GRK5: variants seen among roughly 807,000 people sequenced by gnomAD.
The protein encoded by GRK5 is G protein-coupled receptor kinase 5, also known as g protein-coupled receptor kinase GRK5.
A neutral mutation model predicts 78.4 loss-of-function variants in GRK5; 40 were observed. The ratio of observed to expected loss-of-function variants is 0.51; its 90% confidence interval spans 0.40 to 0.66. The LOEUF (loss-of-function observed/expected upper bound fraction) is 0.66. GRK5 is among the 30% of genes least tolerant of loss of function. The pLI, the probability that GRK5 is intolerant of heterozygous loss-of-function variation, is 0.00. For missense variants in GRK5, 598 were observed against 759.9 expected, an observed-to-expected ratio of 0.79 and a Z score of 2.50; for synonymous variants, 289 against 296.8, an observed-to-expected ratio of 0.97 and a Z score of 0.27.
intron 13 of GRK5, among the ~76,000 whole-genome samples, chr10:119,450,589 G>T (rs955686114): frequency 1.1e-4 from 16 of 152,180 alleles, no homozygotes; most frequent in African/African-American, 3.9e-4. Flanking sequence ...GGCTCTGAGG[G>T]TCAGAGCGAC....
chr10:119,278,059 C>T (rs568622216), intron 1 of GRK5, among the ~76,000 whole-genome samples: 8 of 152,330 alleles, frequency 5.3e-5, no homozygotes, highest in African/African-American at 1.7e-4. Context: ...TGAGTAAATA[C>T]TTAGGAACAT....
At chr10:119,273,609 G>A (rs1285396953) in intron 1 of GRK5, among the ~76,000 whole-genome samples, 1 of 152,110 alleles carries the variant, frequency 6.6e-6, no homozygotes, top group African/African-American at 2.4e-5. Context: ...TGACCCACAG[G>A]GGAACTCATC....
intron 12 of GRK5, among the ~76,000 whole-genome samples, chr10:119,447,880 G>A (rs1048479029): frequency 5.3e-5 from 8 of 152,224 alleles, no homozygotes; most frequent in Admixed American, 1.3e-4. Context: ...ACCCAGGAAC[G>A]AGGTCTGTAA....
chr10:119,281,630 G>A (rs1849764790), intron 1 of GRK5, among the ~76,000 whole-genome samples: 1 of 152,176 alleles, frequency 6.6e-6, no homozygotes, highest in Non-Finnish European at 1.5e-5. Flanking sequence ...GTCTTAGCAC[G>A]GCTGAGCCTT....
At chr10:119,212,067 C>A (rs751592625) in intron 1 of GRK5, among the ~76,000 whole-genome samples, 4 of 152,188 alleles carry the variant, frequency 2.6e-5, no homozygotes, top group African/African-American at 7.2e-5. Context: ...TCTTACCAAG[C>A]GACAGCTTTC....
At position 119,456,055 on chromosome 10, in the gene GRK5, G is replaced by A. The variant is rs1168952968; in HGVS notation, c.*988G>A. On this transcript the variant is annotated 3_prime_UTR_variant, in exon 16 of 16. Transcript: ENST00000392870. This position sits in a 1 kb window ranked among gnomAD's most constrained non-coding sequence, Gnocchi z 5.5. ...GAAACCCCAAGTGTCCCAAAGCCTCGGGGCCCACAGGAGCATCGGGAAGTG... is the reference window on the plus strand; with the variant it reads ...GAAACCCCAAGTGTCCCAAAGCCTCAGGGCCCACAGGAGCATCGGGAAGTG... 2.0e-5 allele frequency: 3 copies of A among 152,272 alleles called. No homozygotes were observed. The highest frequency in any genetic ancestry group is 2.9e-5 in the Non-Finnish European group (2 of 68,086). The allele number at this position is 152,272 out of a possible 1,614,324, so 9.4% of individuals were successfully genotyped here. A position where few individuals can be genotyped will look rare whatever the true frequency, so the allele number is the denominator to read the frequency against.
chr10:119,244,862 A>T (rs1849079721), intron 1 of GRK5, among the ~76,000 whole-genome samples: 1 of 152,240 alleles, frequency 6.6e-6, no homozygotes, highest in African/African-American at 2.4e-5. Flanking sequence ...ACAGTTGTGC[A>T]CTGTTGGTGG....
chr10:119,437,272 C>T (rs1050111921), intron 9 of GRK5, among the ~76,000 whole-genome samples: 7 of 152,086 alleles, frequency 4.6e-5, no homozygotes, highest in African/African-American at 1.7e-4. Flanking sequence ...CGGAGTGGCC[C>T]ATGGTCCCAC....
At chr10:119,403,184 T>G (rs74980631) in intron 4 of GRK5, among the ~76,000 whole-genome samples, 1 of 152,204 alleles carries the variant, frequency 6.6e-6, no homozygotes, top group Admixed American at 6.5e-5. Flanking sequence ...CTTTTTTTTT[T>G]GAGACGGAGT....
In GRK5 at chr10:119,227,838, G is replaced by A. The variant is rs533473044; in HGVS notation, c.52+19869G>A. Among the ~76,000 whole-genome samples, 8 of 152,234 alleles carry A rather than the reference G, an allele frequency of 5.3e-5. No homozygotes were observed. The East Asian group carries it at 5.8e-4, about 11-fold the overall frequency. On this transcript the variant is annotated intron_variant, in intron 1 of 15. Coordinates refer to ENST00000392870, the MANE Select transcript of GRK5 (RefSeq NM_005308.3). ...GTGAATAGGTTCTTTCAAACATTAC[G>A]ATCTTGTTGCTGACTAGAGTGTAAA... is the stretch of plus-strand genomic sequence containing the variant.
intron 2 of GRK5, among the ~76,000 whole-genome samples, chr10:119,364,744 G>A (rs1003011945): frequency 2.0e-5 from 3 of 152,326 alleles, no homozygotes; most frequent in Admixed American, 6.5e-5. Flanking sequence ...CTCTGTGACT[G>A]TATTTTCTGA....
At chr10:119,255,038 C>CAAA (rs11427427) in intron 1 of GRK5, among the ~76,000 whole-genome samples, 5 of 113,668 alleles carry the variant, frequency 4.4e-5, no homozygotes, top group Admixed American at 9.1e-5. Context: ...GACTCAGTCT[C>CAAA]AAAAAAAAAA....
chr10:119,289,012 T>C (rs1002293122), intron 1 of GRK5, among the ~76,000 whole-genome samples: 2 of 152,168 alleles, frequency 1.3e-5, no homozygotes, highest in African/African-American at 2.4e-5. Flanking sequence ...AAACATGCCT[T>C]TTCCCCCTCT....
chr10:119,391,524 C>T (rs1387339103), intron 3 of GRK5, among the ~76,000 whole-genome samples: 3 of 152,206 alleles, frequency 2.0e-5, no homozygotes, highest in Non-Finnish European at 1.5e-5. Flanking sequence ...ACCCCTGAGC[C>T]TCCACCACCC....
At chr10:119,367,930 C>T (rs370398112) in intron 2 of GRK5, among the ~76,000 whole-genome samples, 6 of 152,372 alleles carry the variant, frequency 3.9e-5, no homozygotes, top group East Asian at 1.9e-4. Context: ...CGCTAGACCC[C>T]GGCCAGTGGC....
chr10:119,333,537 C>T, intron 2 of GRK5: 1 of 326,662 alleles, frequency 3.1e-6, no homozygotes, highest in South Asian at 2.4e-5. Flanking sequence ...GAGTGACCCG[C>T]CCAGGAGAGC....
At chr10:119,425,719 G>C (rs1360129834) in intron 6 of GRK5, among the ~76,000 whole-genome samples, 2 of 152,234 alleles carry the variant, frequency 1.3e-5, no homozygotes, top group Non-Finnish European at 2.9e-5. Context: ...GCGCTTCCTT[G>C]TTGCTTATTT....
At chr10:119,423,806 CACACACACACAT>C (rs1037710940) in intron 5 of GRK5, among the ~76,000 whole-genome samples, 1 of 152,178 alleles carries the variant, frequency 6.6e-6, no homozygotes, top group Admixed American at 6.5e-5. Flanking sequence ...CGCAAGCACA[CACACACACACAT>C]ACACACACAC....
chr10:119,321,245 C>A (rs1043327256), intron 1 of GRK5, among the ~76,000 whole-genome samples: 1 of 152,196 alleles, frequency 6.6e-6, no homozygotes, highest in African/African-American at 2.4e-5. Context: ...GGTCTGCTGT[C>A]ATTTAGGGGG....
Sources: allele counts gnomAD v4.1 joint callset (sites outside exome capture counted in the v4.1 genomes callset), GRCh38; gene constraint gnomAD v4.1.1; non-coding constraint Gnocchi (gnomAD v3.1); transcripts MANE v1.5; gene names NCBI Gene and HGNC (gene_info 2026-07-23, HGNC 2026-07-21).